CRB2: variants seen among roughly 807,000 people sequenced by gnomAD.
CRB2 encodes the protein crumbs cell polarity complex component 2, also known as protein crumbs homolog 2.
CRB2 carries 85 observed loss-of-function variants against 110.9 expected under a neutral mutation model. The observed-to-expected ratio is 0.77, with a 90% confidence interval of 0.64 to 0.92. CRB2 has a LOEUF of 0.92. Among genes scored for constraint, CRB2 ranks in the 40% least tolerant of loss-of-function variants. The probability of loss-of-function intolerance (pLI) is 0.00; values close to 1 mark genes in which losing one functional copy is unlikely to be tolerated. For missense variants in CRB2, 1,843 were observed against 1,851.3 expected, an observed-to-expected ratio of 1.00 and a Z score of 0.08; for synonymous variants, 907 against 831.0, an observed-to-expected ratio of 1.09 and a Z score of -1.57.
rs148573710 is a variant in CRB2 at position 123,363,140 on chromosome 9, C to A, written c.370C>A (p.Arg124Ser). 2.5e-5 allele frequency: 40 copies of A among 1,610,830 alleles called. No homozygotes were observed. Among genetic ancestry groups the A allele is most frequent in the Non-Finnish European group, 3.1e-5 (37 of 1,179,252 alleles). Reference protein sequence around the residue: ...SRPCHHGATCRNLADRYECHC... With the variant: ...SRPCHHGATCSNLADRYECHC... ...GCCGTGCCACCATGGGGCCACCTGC[C>A]GCAACCTGGCCGATCGCTACGAGTG... Residue 124 changes from arginine to serine, a missense_variant, in exon 2 of 13, where the codon CGC (arginine) becomes AGC (serine). Coordinates refer to ENST00000373631, the MANE Select transcript of CRB2 (RefSeq NM_173689.7).
chr9:123,378,805 G>GT (rs1166539194), downstream of CRB2: 18 of 100,980 alleles, frequency 1.8e-4, no homozygotes, highest in South Asian at 6.9e-4. Context: ...CCTGTTTTTT[G>GT]TTTTTTTTTT....
At chr9:123,367,453 A>ACCCCCCCC in intron 5 of CRB2, 96 bp downstream of exon 5, 1 of 471,312 alleles carries the variant, frequency 2.1e-6, no homozygotes, top group Non-Finnish European at 2.8e-6. Flanking sequence ...CCCACCCCAC[A>ACCCCCCCC]CCCCACACCC....
chr9:123,368,808 T>C, intron 6 of CRB2: 1 of 1,209,924 alleles, frequency 8.3e-7, no homozygotes, highest in South Asian at 1.4e-5. Context: ...AGGAGGCAGC[T>C]GGGCCAGGCA....
At chr9:123,376,009 C>T (rs1387459921) in intron 12 of CRB2, among the ~76,000 whole-genome samples, 1 of 152,070 alleles carries the variant, frequency 6.6e-6, no homozygotes, top group African/African-American at 2.4e-5. Context: ...AACCACAAAT[C>T]CCCTCCGCTT....
chr9:123,378,463 AG>A lies in CRB2; in HGVS notation c.*1402del. On this transcript the variant is annotated 3_prime_UTR_variant, in exon 13 of 13. Coordinates refer to ENST00000373631, the MANE Select transcript of CRB2 (RefSeq NM_173689.7). ...GCGGGTCCCAGAGGCATGGGTGTCC[AG>A]TCCAATGTGGGGAGCCACGTGACAA... The A allele has an allele frequency of 6.6e-6, 1 of 152,396 alleles. No homozygotes were observed. Among genetic ancestry groups the A allele is most frequent in the South Asian group, 2.1e-4 (1 of 4,830 alleles). 9.4% of individuals were successfully genotyped at this position (152,396 alleles called of 1,614,324 possible). A position where few individuals can be genotyped will look rare whatever the true frequency, so the allele number is the denominator to read the frequency against.
At chr9:123,367,436 C>G (rs57014689) in intron 5 of CRB2, 79 bp downstream of exon 5, 1 of 1,105,196 alleles carries the variant, frequency 9.0e-7, no homozygotes, top group Non-Finnish European at 1.2e-6. Flanking sequence ...CCCACCCCCC[C>G]CACCCCCCCA....
intron 1 of CRB2, among the ~76,000 whole-genome samples, chr9:123,360,763 C>T (rs2132737183): frequency 6.6e-6 from 1 of 152,284 alleles, no homozygotes; most frequent in South Asian, 2.1e-4. Flanking sequence ...TTCGAGTCTC[C>T]CTTTCCTGAG....
intron 12 of CRB2, among the ~76,000 whole-genome samples, chr9:123,376,015 C>T (rs114548275): frequency 0.033 from 4,957 of 152,202 alleles, 194 homozygotes; most frequent in African/African-American, 0.095. Context: ...AAATCCCCTC[C>T]GCTTACGGGG....
At position 123,378,620 on chromosome 9, in the gene CRB2, C is replaced by G. The variant is rs1164664475; in HGVS notation, c.*1558C>G. ...GGGACCACCTTTCCCTGAACTTTCTCTACAACCCTTGGGAGCGTGGGGAGG... is the reference window on the plus strand; with the variant it reads ...GGGACCACCTTTCCCTGAACTTTCTGTACAACCCTTGGGAGCGTGGGGAGG... On this transcript the variant is annotated 3_prime_UTR_variant, in exon 13 of 13. Coordinates refer to ENST00000373631, the MANE Select transcript of CRB2 (RefSeq NM_173689.7). The G allele has an allele frequency of 1.3e-5, 2 of 152,198 alleles. No individual in the cohort carries two copies. Among genetic ancestry groups the G allele is most frequent in the Non-Finnish European group, 2.9e-5 (2 of 68,076 alleles). The allele number at this position is 152,198 out of a possible 1,614,324, so 9.4% of individuals were successfully genotyped here.
chr9:123,374,723 G>A (rs773178686), intron 11 of CRB2, 28 bp downstream of exon 11: 2 of 1,532,976 alleles, frequency 1.3e-6, no homozygotes, highest in Non-Finnish European at 1.8e-6. Context: ...GGAACTGTGA[G>A]GAGGTCCAAT....
rs1235379106 is a variant in CRB2 at position 123,370,191 on chromosome 9, T to G, written c.1138T>G (p.Tyr380Asp). 1 of 1,613,032 alleles carries G rather than the reference T, an allele frequency of 6.2e-7. No individual in the cohort carries two copies. The highest frequency in any genetic ancestry group is 8.5e-7 in the Non-Finnish European group (1 of 1,179,888). ...GGTCSDTVAGYICRCPETWGG... is the reference protein window; with the variant it reads ...GGTCSDTVAGDICRCPETWGG... ...AACCTGCAGTGACACTGTGGCAGGC[T>G]ATATCTGCAGGTGCCCAGAGACCTG... The change falls in exon 7 of 13, where the codon TAT becomes GAT. Residue 380 changes from tyrosine to aspartate, a missense_variant. Coordinates refer to ENST00000373631, the MANE Select transcript of CRB2 (RefSeq NM_173689.7).
rs750757627 is a variant in CRB2, at chr9:123,374,672, C to T, written c.3483C>T (p.Cys1161=). Residue 1161 remains cysteine (C), a synonymous_variant, in exon 11 of 13, where the codon TGC becomes TGT. Coordinates refer to ENST00000373631, the MANE Select transcript of CRB2 (RefSeq NM_173689.7). ...EGGSPAANCS[C]LEGLAGQRCQ... ...GCTCTCCCGCTGCCAACTGCAGCTGCCTGGAGGGTCTTGCTGGCCAGAGGT... is the reference window on the plus strand; with the variant it reads ...GCTCTCCCGCTGCCAACTGCAGCTGTCTGGAGGGTCTTGCTGGCCAGAGGT... 3.7e-6 allele frequency: 6 copies of T among 1,611,308 alleles called. No homozygotes were observed. The South Asian group carries it at 6.6e-5, about 18-fold the overall frequency.
At chr9:123,369,020 G>A in intron 6 of CRB2, 2 of 1,088,274 alleles carry the variant, frequency 1.8e-6, no homozygotes, top group Non-Finnish European at 1.2e-6. Flanking sequence ...TGTGGTGTTT[G>A]TGAGCTGATC....
chr9:123,374,388 C>T (rs1354191131), intron 10 of CRB2, among the ~76,000 whole-genome samples, 191 bp from the exon 11 acceptor site: 1 of 147,998 alleles, frequency 6.8e-6, no homozygotes, highest in Non-Finnish European at 1.5e-5. Flanking sequence ...CCTGAGTCCT[C>T]TGAGACTCTG....
intron 11 of CRB2, 106 bp from the exon 12 acceptor site, chr9:123,375,111 G>A: frequency 6.5e-7 from 1 of 1,529,098 alleles, no homozygotes; most frequent in Non-Finnish European, 8.9e-7. Context: ...GACAGTGGAT[G>A]GATAAGCTCT....
At position 123,377,348 on chromosome 9, in the gene CRB2, G is replaced by C. The variant is rs755493217; in HGVS notation, c.*286G>C. 2.4e-6 allele frequency: 1 copy of C among 418,808 alleles called. No homozygotes were observed. The highest frequency in any genetic ancestry group is 4.3e-6 in the Non-Finnish European group (1 of 233,302). The allele number at this position is 418,808 out of a possible 1,614,324, so 25.9% of individuals were successfully genotyped here. A position where few individuals can be genotyped will look rare whatever the true frequency, so the allele number is the denominator to read the frequency against. ...ACACGTGGGTTCACAGTGTGTTCAG[G>C]AGTGTGTGTATCTGGAGGAGTGTGT... is the stretch of plus-strand genomic sequence containing the variant. On this transcript the variant is annotated 3_prime_UTR_variant, in exon 13 of 13. Transcript: ENST00000373631.
chr9:123,367,425 C>CCCCACCCCT, intron 5 of CRB2, 68 bp downstream of exon 5: 1 of 924,244 alleles, frequency 1.1e-6, no homozygotes, highest in Admixed American at 4.0e-5. Flanking sequence ...GTGCCCACCC[C>CCCCACCCCT]CCCACCCCCC....
chr9:123,374,567 C>T lies in CRB2; in HGVS notation c.3390-12C>T. 1 of 1,604,110 alleles carries T rather than the reference C, an allele frequency of 6.2e-7. No individual in the cohort carries two copies. The highest frequency in any genetic ancestry group is 8.5e-7 in the Non-Finnish European group (1 of 1,172,242). On this transcript the variant is annotated splice_polypyrimidine_tract_variant and intron_variant, in intron 10 of 12. Coordinates refer to ENST00000373631, the MANE Select transcript of CRB2 (RefSeq NM_173689.7). ...TGTCCTGCACCCACTCCAGCCTCTG[C>T]TCTCTCCCCAGGTTGCCTGTCCCAT...
chr9:123,375,475 A>G (rs2042089296), intron 12 of CRB2, 132 bp downstream of exon 12: 1 of 1,112,524 alleles, frequency 9.0e-7, no homozygotes, highest in African/African-American at 1.6e-5. Flanking sequence ...CAGTGAGAGG[A>G]GCCTCAGGTC....
Sources: gnomAD v4.1 joint callset for allele counts (sites outside exome capture counted in the v4.1 genomes callset) on GRCh38, gnomAD v4.1.1 for gene constraint, MANE v1.5 for transcripts, NCBI Gene and HGNC (gene_info 2026-07-23, HGNC 2026-07-21) for gene names.